Variants in KLHL6 observed in about 807,000 individuals in gnomAD.
KLHL6 encodes the protein kelch-like protein 6.
In KLHL6, 41 loss-of-function variants were observed where a neutral mutation model predicts 58.6. The ratio of observed to expected loss-of-function variants is 0.70; its 90% CI spans 0.55 to 0.91. The LOEUF (loss-of-function observed/expected upper bound fraction) is 0.91, where lower values mean the gene tolerates loss of function less well. KLHL6 is among the 40% of genes least tolerant of loss of function. The probability of loss-of-function intolerance (pLI) is 0.00; values close to 1 mark genes in which losing one functional copy is unlikely to be tolerated. For missense variants in KLHL6, 714 were observed against 805.6 expected, an observed-to-expected ratio of 0.89 and a Z score of 1.38; for synonymous variants, 338 against 322.7, an observed-to-expected ratio of 1.05 and a Z score of -0.51.
chr3:183,548,140 G>A (rs1712788954), intron 1 of KLHL6, among the ~76,000 whole-genome samples: 1 of 152,134 alleles, frequency 6.6e-6, no homozygotes, highest in Non-Finnish European at 1.5e-5. Context: ...AAGGAAGCAG[G>A]GTCAGGGTGT....
chr3:183,494,109 G>A lies in KLHL6; in HGVS notation c.1320C>T (p.Thr440=), dbSNP rs377242418. 3 of 1,614,170 alleles carry A rather than the reference G, an allele frequency of 1.9e-6. No individual in the cohort carries two copies. The highest frequency in any genetic ancestry group is 1.6e-4 in the Middle Eastern group (1 of 6,062). Residue 440 remains threonine (T), a synonymous_variant, in exon 5 of 7, where the codon ACC becomes ACT. Coordinates refer to ENST00000341319, the MANE Select transcript of KLHL6 (RefSeq NM_130446.4). ...ACCAGCAGTTGTGAAAGGGGTCGTA[G>A]GTCTCCACATTGTTGATTCTCTGTA... The part of the protein sequence containing the change: ...DGLQRINNVE[T]YDPFHNCWSE...
In KLHL6 at chr3:183,555,367, T is replaced by TA. The variant is rs1713072379; in HGVS notation, c.286dup (p.Tyr96LeufsTer15). ...TGGTCCTAGGCATGCTGACCTGAAATAGTTGCTGGCTGCGGCAAGCACCAC... is the reference window on the plus strand; with the variant it reads ...TGGTCCTAGGCATGCTGACCTGAAATAAGTTGCTGGCTGCGGCAAGCACCAC... On this transcript the variant is annotated frameshift_variant, in exon 1 of 7. Transcript: ENST00000341319. LOFTEE classifies it high-confidence loss of function. 6.2e-7 allele frequency: 1 copy of TA among 1,613,716 alleles called. No individual in the cohort carries two copies. Among genetic ancestry groups the TA allele is most frequent in the Admixed American group, 1.7e-5 (1 of 59,974 alleles).
chr3:183,488,228 C>T lies in KLHL6; in HGVS notation c.*3699G>A, dbSNP rs1016955689. 9 of 152,228 alleles carry T rather than the reference C, an allele frequency of 5.9e-5. No homozygotes were observed. The highest frequency in any genetic ancestry group is 2.2e-4 in the African/African-American group (9 of 41,436). 9.4% of individuals were successfully genotyped at this position (152,228 alleles called of 1,614,324 possible). A position where few individuals can be genotyped will look rare whatever the true frequency, so the allele number is the denominator to read the frequency against. On this transcript the variant is annotated 3_prime_UTR_variant, in exon 7 of 7. Transcript: ENST00000341319. ...CCCTTAACCTCATCTACAGATTCCG[C>T]TCCACCAAAGACTCTGGGCCACCTT...
intron 2 of KLHL6, among the ~76,000 whole-genome samples, chr3:183,516,372 G>A (rs753700195): frequency 5.3e-5 from 8 of 152,126 alleles, no homozygotes; most frequent in East Asian, 3.8e-4. Context: ...TTTCTGTCTC[G>A]GCCTGTCCCG....
At chr3:183,540,240 A>G (rs1377711173) in intron 1 of KLHL6, among the ~76,000 whole-genome samples, 1 of 152,174 alleles carries the variant, frequency 6.6e-6, no homozygotes, top group Non-Finnish European at 1.5e-5. Context: ...GCTGGTGGAC[A>G]TGAAAGTTTG....
At chr3:183,519,723 AAAT>A (rs60323917) in intron 2 of KLHL6, among the ~76,000 whole-genome samples, 6 of 150,612 alleles carry the variant, frequency 4.0e-5, no homozygotes, top group South Asian at 2.1e-4. Context: ...TTTGTCTCTA[AAAT>A]AATAATAATA....
rs1490304368 is a variant in KLHL6, at chr3:183,489,006, AT to A, written c.*2920del. 2 of 152,226 alleles carry A rather than the reference AT, an allele frequency of 1.3e-5. No individual in the cohort carries two copies. The allele number at this position is 152,226 out of a possible 1,614,324, so 9.4% of individuals were successfully genotyped here. On this transcript the variant is annotated 3_prime_UTR_variant, in exon 7 of 7. Coordinates refer to ENST00000341319, the MANE Select transcript of KLHL6 (RefSeq NM_130446.4). ...GAGTGTTTCCATGATTCATTTAGGTATTCTGAAGTAGTCCAGAAACTTGGGT... is the reference window on the plus strand; with the variant it reads ...GAGTGTTTCCATGATTCATTTAGGTATCTGAAGTAGTCCAGAAACTTGGGT...
chr3:183,529,549 G>A (rs1247414727), intron 1 of KLHL6, among the ~76,000 whole-genome samples: 1 of 152,088 alleles, frequency 6.6e-6, no homozygotes, highest in African/African-American at 2.4e-5. Context: ...ATTAAAAGTA[G>A]GTGGGGGACC....
rs749010277 is a variant in KLHL6 at position 183,555,666 on chromosome 3, A to T, written c.-13T>A. ...CTGCCATCAACATCGAGACTGAAGG[A>T]GCGCCCAAGTGTCAGGCAGGCCCCA... is the stretch of plus-strand genomic sequence containing the variant. On this transcript the variant is annotated 5_prime_UTR_variant, in exon 1 of 7. Transcript: ENST00000341319. 5.1e-6 allele frequency: 8 copies of T among 1,568,258 alleles called. No individual in the cohort carries two copies. The Middle Eastern group carries it at 8.0e-4, about 157-fold the overall frequency.
chr3:183,546,534 G>T (rs1048285761), intron 1 of KLHL6, among the ~76,000 whole-genome samples: 21 of 152,238 alleles, frequency 1.4e-4, no homozygotes, highest in Admixed American at 1.2e-3. Flanking sequence ...TTCGGGCTGC[G>T]GTCCTGGCCC....
At chr3:183,535,085 C>T (rs1712320661) in intron 1 of KLHL6, among the ~76,000 whole-genome samples, 1 of 151,932 alleles carries the variant, frequency 6.6e-6, no homozygotes, top group South Asian at 2.1e-4. Flanking sequence ...GCTGGGACTA[C>T]AGGCTCATGC....
intron 1 of KLHL6, among the ~76,000 whole-genome samples, chr3:183,532,581 GA>G (rs1488046679): frequency 1.3e-5 from 2 of 152,176 alleles, no homozygotes; most frequent in African/African-American, 4.8e-5. Flanking sequence ...CATAGAGAAG[GA>G]AAATTCTGAA....
intron 1 of KLHL6, among the ~76,000 whole-genome samples, chr3:183,529,791 A>AAAAG (rs1188575339): frequency 2.6e-5 from 4 of 151,834 alleles, no homozygotes; most frequent in Admixed American, 6.6e-5. Context: ...TCTCAAAAAA[A>AAAAG]AAAGAAAGAA....
rs769292407 is a variant in KLHL6 at position 183,527,924 on chromosome 3, A to C, written c.380T>G (p.Leu127Trp). The change falls in exon 2 of 7, where the codon TTG (leucine) becomes TGG (tryptophan). Residue 127 changes from leucine (L) to tryptophan (W), a missense_variant. Transcript: ENST00000341319. ...GVDAETMHTL[L>W]DYTYTSKALI... ...CGCCTTGCTGGTGTACGTGTAGTCC[A>C]ACAGAGTGTGCATGGTCTCAGCATC... The C allele has an allele frequency of 1.2e-6, 2 of 1,614,112 alleles. No homozygotes were observed. Among genetic ancestry groups the C allele is most frequent in the Admixed American group, 3.3e-5 (2 of 60,014 alleles).
chr3:183,502,256 C>T (rs190853103), intron 3 of KLHL6, among the ~76,000 whole-genome samples: 79 of 151,158 alleles, frequency 5.2e-4, no homozygotes, highest in African/African-American at 1.3e-3. Flanking sequence ...GAGCCAACGT[C>T]GCAGCATTGC....
At chr3:183,539,857 C>T (rs1712495615) in intron 1 of KLHL6, among the ~76,000 whole-genome samples, 1 of 152,202 alleles carries the variant, frequency 6.6e-6, no homozygotes, top group Admixed American at 6.5e-5. Context: ...CCCACCAGAC[C>T]ATTGCTGATG....
chr3:183,542,216 C>A (rs1712575362), intron 1 of KLHL6, among the ~76,000 whole-genome samples: 1 of 152,194 alleles, frequency 6.6e-6, no homozygotes, highest in Non-Finnish European at 1.5e-5. Flanking sequence ...CCCTCCATAC[C>A]CACAGTGCAA....
chr3:183,542,874 G>C (rs1577202592), intron 1 of KLHL6, among the ~76,000 whole-genome samples: 4 of 151,506 alleles, frequency 2.6e-5, no homozygotes, highest in African/African-American at 9.8e-5. Context: ...ATGGATGGAT[G>C]GATGGATGGA....
rs1711847482 is a variant in KLHL6 at position 183,523,684 on chromosome 3, T to TC, written c.459+4160dup. Among the ~76,000 whole-genome samples, 3 of 129,442 alleles carry TC rather than the reference T, an allele frequency of 2.3e-5. No homozygotes were observed. The South Asian group carries it at 8.2e-4, about 35-fold the overall frequency. The allele number at this position is 129,442 out of a possible 152,430, so 84.9% of individuals were successfully genotyped here. A position where few individuals can be genotyped will look rare whatever the true frequency, so the allele number is the denominator to read the frequency against. ...TACTCTTTCATGAGTTGGTTTTTTT[T>TC]CCCATGAGTTGTTGTTTGTTTTTTT... On this transcript the variant is annotated intron_variant, in intron 2 of 6. Transcript: ENST00000341319.
Sources: gnomAD v4.1 joint callset for allele counts (sites outside exome capture counted in the v4.1 genomes callset) on GRCh38, gnomAD v4.1.1 for gene constraint, MANE v1.5 for transcripts, NCBI Gene and HGNC (gene_info 2026-07-23, HGNC 2026-07-21) for gene names.